The following DIAPH3 variants were observed in gnomAD, a reference collection of about 807,000 sequenced individuals.
DIAPH3 encodes protein diaphanous homolog 3.
In DIAPH3, 117 loss-of-function variants were observed where a neutral mutation model predicts 144.3. That is an observed-to-expected ratio of 0.81 (90% CI 0.70 to 0.95). The LOEUF (loss-of-function observed/expected upper bound fraction) is 0.95. DIAPH3 is among the 40% of genes least tolerant of loss of function. DIAPH3 has a pLI of 0.00. For missense variants in DIAPH3, 1,421 were observed against 1,412.7 expected, an observed-to-expected ratio of 1.01 and a Z score of -0.09; for synonymous variants, 519 against 488.9, an observed-to-expected ratio of 1.06 and a Z score of -0.81.
chr13:60,058,564 G>A (rs1051815327), intron 4 of DIAPH3, among the ~76,000 whole-genome samples: 19 of 151,858 alleles, frequency 1.3e-4, no homozygotes, highest in Non-Finnish European at 1.9e-4. Flanking sequence ...ACCTGGACAC[G>A]TATGTTTATC....
intron 18 of DIAPH3, among the ~76,000 whole-genome samples, chr13:59,916,963 TAGA>T (rs2047251446): frequency 6.6e-6 from 1 of 152,176 alleles, no homozygotes; most frequent in African/African-American, 2.4e-5. Flanking sequence ...GTTACTGAAG[TAGA>T]AGGATATTTT....
chr13:59,698,263 T>C (rs1369020315), intron 27 of DIAPH3, among the ~76,000 whole-genome samples: 3 of 152,186 alleles, frequency 2.0e-5, no homozygotes, highest in Non-Finnish European at 2.9e-5. Context: ...AATTAAATAA[T>C]TGCTTGCCTG....
intron 20 of DIAPH3, among the ~76,000 whole-genome samples, chr13:59,905,342 C>CAAAAAAAAAAAAAAAAAAAAA (rs59114311): frequency 4.3e-5 from 3 of 69,758 alleles, no homozygotes; most frequent in Admixed American, 1.9e-4. Flanking sequence ...GACTCTGTCT[C>CAAAAAAAAAAAAAAAAAAAAA]AAAAAAAAAA....
Position 59,666,842 on chromosome 13 carries a change from A to C in DIAPH3, c.3324T>G (p.Asn1108Lys). 6.2e-7 allele frequency: 1 copy of C among 1,614,014 alleles called. No individual in the cohort carries two copies. Among genetic ancestry groups the C allele is most frequent in the Non-Finnish European group, 8.5e-7 (1 of 1,179,958 alleles). ...ACCCTTCTGTCAACTGCACTTTCTG[A>C]TTTTCTACAGTAAGGAAAAAAGAAA... ...RPVLKVCNHE[N>K]QKVQLTEGSR... Residue 1108 changes from asparagine to lysine, a missense_variant, in exon 28 of 28, where the codon AAT becomes AAG. Asn to Lys is a moderately conservative substitution (Grantham distance 94). Coordinates refer to ENST00000400324, the MANE Select transcript of DIAPH3 (RefSeq NM_001042517.2).
chr13:59,749,209 C>CAAAAAAAA (rs71197276), intron 27 of DIAPH3, among the ~76,000 whole-genome samples: 3 of 25,098 alleles, frequency 1.2e-4, no homozygotes, highest in Non-Finnish European at 2.1e-4. Flanking sequence ...GACTCTGTCT[C>CAAAAAAAA]AAAAAAAAAA....
At chr13:59,979,855 G>A (rs1475263502) in intron 14 of DIAPH3, among the ~76,000 whole-genome samples, 2 of 151,556 alleles carry the variant, frequency 1.3e-5, no homozygotes, top group Non-Finnish European at 3.0e-5. Flanking sequence ...AAGAATTATC[G>A]TCACTCCTTC....
rs114356883 is a variant in DIAPH3 at position 59,677,517 on chromosome 13, A to G, written c.3320-10671T>C. ...TATATATAGCAAAAATATATTAATG[A>G]TATCTTTGGCATTTTTTTGTACTAA... On this transcript the variant is annotated intron_variant, in intron 27 of 27. Transcript: ENST00000400324. Among the ~76,000 whole-genome samples the G allele has an allele frequency of 4.3e-3, 657 of 152,266 alleles. 1 individual carries two copies. Among genetic ancestry groups the G allele is most frequent in the African/African-American group, 0.015 (618 of 41,544 alleles).
At chr13:59,792,825 A>T (rs1395145955) in intron 25 of DIAPH3, among the ~76,000 whole-genome samples, 4 of 152,108 alleles carry the variant, frequency 2.6e-5, no homozygotes, top group Non-Finnish European at 5.9e-5. Flanking sequence ...TAAAATGTAA[A>T]TAAGCCCCAA....
chr13:59,885,338 T>C (rs750958256), intron 20 of DIAPH3, among the ~76,000 whole-genome samples: 2 of 151,214 alleles, frequency 1.3e-5, no homozygotes, highest in Non-Finnish European at 2.9e-5. Flanking sequence ...CATCCCATCG[T>C]AGAAAACCAG....
At chr13:59,689,858 T>A (rs1337250537) in intron 27 of DIAPH3, among the ~76,000 whole-genome samples, 1 of 151,840 alleles carries the variant, frequency 6.6e-6, no homozygotes, top group Non-Finnish European at 1.5e-5. Flanking sequence ...CACAGAAAAC[T>A]GAAGAAATTC....
intron 17 of DIAPH3, among the ~76,000 whole-genome samples, chr13:59,958,056 A>G (rs1211008594): frequency 6.6e-6 from 1 of 152,210 alleles, no homozygotes; most frequent in Non-Finnish European, 1.5e-5. Context: ...TAAGCCAACA[A>G]TTAAATTAAA....
At chr13:59,936,111 A>T (rs1203368928) in intron 17 of DIAPH3, among the ~76,000 whole-genome samples, 2 of 151,974 alleles carry the variant, frequency 1.3e-5, no homozygotes, top group Non-Finnish European at 2.9e-5. Flanking sequence ...GTATATCTAG[A>T]TTTTTTTTAG....
intron 20 of DIAPH3, among the ~76,000 whole-genome samples, chr13:59,894,000 G>A (rs1321944977): frequency 6.6e-6 from 1 of 152,026 alleles, no homozygotes; most frequent in African/African-American, 2.4e-5. Flanking sequence ...AATTCATTCA[G>A]GGACTTCTAA....
chr13:59,675,649 A>G (rs527603376), intron 27 of DIAPH3, among the ~76,000 whole-genome samples: 1 of 152,160 alleles, frequency 6.6e-6, no homozygotes, highest in Non-Finnish European at 1.5e-5. Context: ...CTATTTTAAA[A>G]TTTTTACAAC....
chr13:59,838,043 A>C (rs2042132076), intron 23 of DIAPH3: 1 of 152,162 alleles, frequency 6.6e-6, no homozygotes, highest in Non-Finnish European at 1.5e-5. Flanking sequence ...TCAGGAGAGA[A>C]GAGGTAGAAA....
At chr13:59,768,321 G>A (rs1385426770) in intron 27 of DIAPH3, among the ~76,000 whole-genome samples, 1 of 152,020 alleles carries the variant, frequency 6.6e-6, no homozygotes, top group Non-Finnish European at 1.5e-5. Context: ...AGAAAATCAA[G>A]TTATTTTAAT....
chr13:59,806,124 C>T (rs2040179750), intron 25 of DIAPH3, among the ~76,000 whole-genome samples: 1 of 152,006 alleles, frequency 6.6e-6, no homozygotes, highest in South Asian at 2.1e-4. Flanking sequence ...AGATTTCTCT[C>T]TTCCTCCATC....
At chr13:60,099,823 T>C (rs1166591173) in intron 3 of DIAPH3, among the ~76,000 whole-genome samples, 2 of 152,016 alleles carry the variant, frequency 1.3e-5, no homozygotes, top group African/African-American at 4.8e-5. Flanking sequence ...GCTTTTTTTT[T>C]CATTCAATAC....
At chr13:59,806,773 G>A (rs1035815649) in intron 25 of DIAPH3, among the ~76,000 whole-genome samples, 7 of 151,514 alleles carry the variant, frequency 4.6e-5, no homozygotes, top group African/African-American at 1.2e-4. Context: ...GCTATATTTC[G>A]TTTTTTACCA....
Sources: gnomAD v4.1 joint callset for allele counts (sites outside exome capture counted in the v4.1 genomes callset) on GRCh38, gnomAD v4.1.1 for gene constraint, MANE v1.5 for transcripts, NCBI Gene and HGNC (gene_info 2026-07-23, HGNC 2026-07-21) for gene names.